The following C6orf52 variants were observed in gnomAD, a reference collection of about 807,000 sequenced individuals.
C6orf52 encodes putative uncharacterized protein C6orf52.
A neutral mutation model predicts 16.6 loss-of-function variants in C6orf52; 16 were observed. That is an observed-to-expected ratio of 0.96 (90% CI 0.65 to 1.46). C6orf52 has a LOEUF of 1.46. C6orf52 is among the 40% of genes most tolerant of loss of function. The pLI, the probability that C6orf52 is intolerant of heterozygous loss-of-function variation, is 0.00. For missense variants in C6orf52, 166 were observed against 182.3 expected, an observed-to-expected ratio of 0.91 and a Z score of 0.52; for synonymous variants, 53 against 61.4, an observed-to-expected ratio of 0.86 and a Z score of 0.64.
At chr6:10,693,754 G>T (rs1192708500) in intron 1 of C6orf52, among the ~76,000 whole-genome samples, 2 of 152,016 alleles carry the variant, frequency 1.3e-5, no homozygotes, top group African/African-American at 4.8e-5. Flanking sequence ...CTTTGAAAGG[G>T]GGCCTGGCTC....
rs1581559268 is a variant in C6orf52, at chr6:10,687,699, G to A, written c.-11-138C>T. 1.1e-5 allele frequency: 7 copies of A among 649,366 alleles called. No individual in the cohort carries two copies. In the East Asian group the frequency reaches 1.9e-4, roughly 18 times the overall value. 40.2% of individuals were successfully genotyped at this position (649,366 alleles called of 1,614,324 possible). A position where few individuals can be genotyped will look rare whatever the true frequency, so the allele number is the denominator to read the frequency against. ...TACATTTAGTGGCAATTCCTGCTAG[G>A]CAATTAATTGCTTGACTTTCCTGAC... On this transcript the variant is annotated intron_variant, in intron 1 of 4. Transcript: ENST00000259983.
chr6:10,688,519 TTCAA>T (rs1477856363), intron 1 of C6orf52, among the ~76,000 whole-genome samples: 1 of 152,240 alleles, frequency 6.6e-6, no homozygotes, highest in East Asian at 1.9e-4. Context: ...ATTCGGATCA[TTCAA>T]TCATTCACCA....
At chr6:10,686,937 G>C in intron 3 of C6orf52, 29 bp downstream of exon 3, 1 of 1,466,386 alleles carries the variant, frequency 6.8e-7, no homozygotes, top group Non-Finnish European at 9.2e-7. Flanking sequence ...GCACACGAAT[G>C]ACACAAGATT....
At chr6:10,673,615 A>G (rs1458260445) in intron 4 of C6orf52, among the ~76,000 whole-genome samples, 1 of 152,246 alleles carries the variant, frequency 6.6e-6, no homozygotes, top group African/African-American at 2.4e-5. Context: ...CTGGAGATGA[A>G]TGGTGATGGT....
chr6:10,675,034 C>T (rs1767760273), intron 4 of C6orf52, among the ~76,000 whole-genome samples: 1 of 152,132 alleles, frequency 6.6e-6, no homozygotes, highest in South Asian at 2.1e-4. Flanking sequence ...TGGTCTCAAA[C>T]TCTTGACCTC....
chr6:10,686,288 A>G (rs1768863805), intron 3 of C6orf52, among the ~76,000 whole-genome samples: 1 of 152,180 alleles, frequency 6.6e-6, no homozygotes, highest in Non-Finnish European at 1.5e-5. Context: ...TCTTGCCCAA[A>G]TCATCCCCTA....
At chr6:10,692,836 G>T (rs1769463559) in intron 1 of C6orf52, among the ~76,000 whole-genome samples, 2 of 152,120 alleles carry the variant, frequency 1.3e-5, no homozygotes, top group South Asian at 4.1e-4. Context: ...GAAAGATTTT[G>T]GAAGAGTGAA....
Position 10,684,945 on chromosome 6 carries a change from T to C in C6orf52, c.271-1713A>G, listed in dbSNP as rs925115382. The C allele has an allele frequency of 2.4e-6, 3 of 1,230,352 alleles. No homozygotes were observed. In the South Asian group the frequency reaches 3.9e-5, roughly 16 times the overall value. 76.2% of individuals were successfully genotyped at this position (1,230,352 alleles called of 1,614,324 possible). ...GTCACTACAGCCACAAAAGATAACA[T>C]ATTTATATAATTCTTGTATGAAAAA... is the stretch of plus-strand genomic sequence containing the variant. On this transcript the variant is annotated intron_variant, in intron 3 of 4. Coordinates refer to ENST00000259983, the MANE Select transcript of C6orf52 (RefSeq NM_001145020.3).
chr6:10,683,047 G>C, intron 4 of C6orf52, 140 bp downstream of exon 4: 2 of 534,606 alleles, frequency 3.7e-6, no homozygotes, highest in Non-Finnish European at 3.3e-6. Context: ...AAAAACAGGA[G>C]AAATTACTGA....
rs1345509701 is a variant in C6orf52 at position 10,683,180 on chromosome 6, A to G, written c.316+7T>C. 1 of 1,538,508 alleles carries G rather than the reference A, an allele frequency of 6.5e-7. No individual in the cohort carries two copies. The highest frequency in any genetic ancestry group is 8.8e-7 in the Non-Finnish European group (1 of 1,138,416). On this transcript the variant is annotated splice_region_variant and intron_variant, in intron 4 of 4. Transcript: ENST00000259983. ...TTCCAACCACTTCAGCACAAGGTTT[A>G]TGTTACCTTCTAGTGGGTCTTCATC... is the stretch of plus-strand genomic sequence containing the variant.
chr6:10,680,457 CA>C (rs1174306116), intron 4 of C6orf52, among the ~76,000 whole-genome samples: 1 of 152,126 alleles, frequency 6.6e-6, no homozygotes, highest in Non-Finnish European at 1.5e-5. Context: ...CTATGTTCAT[CA>C]GGAATATTGG....
intron 4 of C6orf52, among the ~76,000 whole-genome samples, chr6:10,682,945 TCTTA>T (rs1261781140): frequency 1.3e-5 from 2 of 152,240 alleles, no homozygotes; most frequent in African/African-American, 2.4e-5. Flanking sequence ...TGTATTGTCT[TCTTA>T]CTGTTTGGGA....
intron 3 of C6orf52, among the ~76,000 whole-genome samples, chr6:10,684,669 T>C (rs558826630): frequency 8.5e-5 from 13 of 152,136 alleles, no homozygotes; most frequent in African/African-American, 3.1e-4. Flanking sequence ...CGTGAAAATG[T>C]AAAGGAGAGG....
chr6:10,694,612 A>ATGTGT lies in C6orf52; in HGVS notation c.-131_-130insACACA. On this transcript the variant is annotated 5_prime_UTR_variant, in exon 1 of 5. Transcript: ENST00000259983. Reference sequence around the variant, plus strand: ...CTACAGCCCCTAAGCAACCGGCCGGAAGTCGGCCCCACCTCCTCCTGATGT... The same window carrying ATGTGT: ...CTACAGCCCCTAAGCAACCGGCCGGATGTGTAGTCGGCCCCACCTCCTCCTGATGT... The ATGTGT allele has an allele frequency of 5.5e-6, 1 of 183,294 alleles. No homozygotes were observed. Among genetic ancestry groups the ATGTGT allele is most frequent in the Admixed American group, 5.9e-5 (1 of 16,956 alleles). The allele number at this position is 183,294 out of a possible 1,614,324, so 11.4% of individuals were successfully genotyped here.
chr6:10,675,732 C>T (rs76850722), intron 4 of C6orf52, among the ~76,000 whole-genome samples: 6 of 152,284 alleles, frequency 3.9e-5, no homozygotes, highest in South Asian at 2.1e-4. Context: ...AGGAGTGAGA[C>T]GATATCTCAC....
At chr6:10,683,647 G>A (rs570696703) in intron 3 of C6orf52, among the ~76,000 whole-genome samples, 2 of 152,200 alleles carry the variant, frequency 1.3e-5, no homozygotes, top group Non-Finnish European at 2.9e-5. Flanking sequence ...AAGTCTCCAT[G>A]AGCACGTTTT....
At chr6:10,684,992 G>C (rs907517164) in intron 3 of C6orf52, 1 of 872,534 alleles carries the variant, frequency 1.1e-6, no homozygotes, top group East Asian at 7.6e-5. Flanking sequence ...GTAATAATTC[G>C]GCCTGAGGGT....
At chr6:10,688,538 T>C (rs903425237) in intron 1 of C6orf52, among the ~76,000 whole-genome samples, 2 of 152,226 alleles carry the variant, frequency 1.3e-5, no homozygotes, top group Non-Finnish European at 2.9e-5. Flanking sequence ...TCACCAGTTA[T>C]TGAGCCATTA....
chr6:10,678,183 T>TTAA (rs1554144920), intron 4 of C6orf52, among the ~76,000 whole-genome samples: 2 of 101,606 alleles, frequency 2.0e-5, no homozygotes, highest in African/African-American at 7.7e-5. Flanking sequence ...GAGACTGTCT[T>TTAA]AAAAAAAAAA....
Sources: gnomAD v4.1 joint callset for allele counts (sites outside exome capture counted in the v4.1 genomes callset) on GRCh38, gnomAD v4.1.1 for gene constraint, MANE v1.5 for transcripts, NCBI Gene and HGNC (gene_info 2026-07-23, HGNC 2026-07-21) for gene names.